The following GNAO1 variants were observed in gnomAD, a reference collection of about 807,000 sequenced individuals.
GNAO1 encodes G protein subunit alpha o1, also known as guanine nucleotide-binding protein G(o) subunit alpha.
For missense variants in GNAO1, 166 were observed against 478.7 expected (o/e 0.35, Z 6.10); for synonymous variants, 164 against 180.7 (o/e 0.91, Z 0.74).
At chr16:56,242,983 A>C (rs1305127948) in intron 2 of GNAO1, among the ~76,000 whole-genome samples, 2 of 152,028 alleles carry the variant, frequency 1.3e-5, no homozygotes, top group Admixed American at 6.5e-5. Flanking sequence ...CTCCTGTTAG[A>C]TCAGAAGGAG....
intron 4 of GNAO1, among the ~76,000 whole-genome samples, chr16:56,329,624 GC>G (rs2037669570): frequency 6.6e-6 from 1 of 152,222 alleles, no homozygotes; most frequent in Non-Finnish European, 1.5e-5. Flanking sequence ...TACTGGGATT[GC>G]CCCCTTGGCT....
intron 2 of GNAO1, among the ~76,000 whole-genome samples, chr16:56,206,838 C>T (rs1369562607): frequency 3.3e-5 from 5 of 152,192 alleles, no homozygotes; most frequent in African/African-American, 7.2e-5. Flanking sequence ...CCAAGCCATA[C>T]GCCCCTTCAA....
chr16:56,337,100 G>C (rs542653987), intron 6 of GNAO1, among the ~76,000 whole-genome samples: 15 of 152,264 alleles, frequency 9.9e-5, no homozygotes, highest in Non-Finnish European at 1.5e-4. Flanking sequence ...TGATCACACA[G>C]AGCCGTGCAG....
chr16:56,348,257 A>G, intron 6 of GNAO1: 1 of 919,604 alleles, frequency 1.1e-6, no homozygotes, highest in Non-Finnish European at 1.3e-6. Context: ...CACTTGCACG[A>G]TGTGTGTCCT....
chr16:56,205,196 A>G (rs1208534099), intron 2 of GNAO1, among the ~76,000 whole-genome samples: 2 of 152,184 alleles, frequency 1.3e-5, no homozygotes, highest in South Asian at 2.1e-4. Context: ...TGTCAGAGTT[A>G]TGAGACCTGG....
intron 2 of GNAO1, among the ~76,000 whole-genome samples, chr16:56,267,998 T>C (rs1443236904): frequency 3.3e-5 from 5 of 151,016 alleles, no homozygotes; most frequent in African/African-American, 9.7e-5. Flanking sequence ...TTTTCTCACC[T>C]GGTGTCACCC....
intron 6 of GNAO1, chr16:56,340,697 C>T (rs2037793652): frequency 1.3e-6 from 1 of 745,092 alleles, no homozygotes; most frequent in Non-Finnish European, 2.3e-6. Flanking sequence ...CGTCTCCGTC[C>T]TGGTGGTCTC....
At chr16:56,229,583 A>G (rs375841428) in intron 2 of GNAO1, among the ~76,000 whole-genome samples, 1 of 151,924 alleles carries the variant, frequency 6.6e-6, no homozygotes, top group Non-Finnish European at 1.5e-5. Context: ...TCTGCTGACA[A>G]CCAGGCACTG....
intron 3 of GNAO1, among the ~76,000 whole-genome samples, chr16:56,324,414 A>G (rs2037609601): frequency 6.6e-6 from 1 of 152,192 alleles, no homozygotes; most frequent in African/African-American, 2.4e-5. Flanking sequence ...TACAGAAACC[A>G]TGAAGGTAGG....
At chr16:56,307,472 T>C (rs1458248830) in intron 3 of GNAO1, 3 of 152,256 alleles carry the variant, frequency 2.0e-5, no homozygotes, top group Non-Finnish European at 4.4e-5. Context: ...TTACTCATTC[T>C]ACTGACATAG....
chr16:56,223,150 G>A (rs1163129342), intron 2 of GNAO1, among the ~76,000 whole-genome samples: 2 of 152,214 alleles, frequency 1.3e-5, no homozygotes, highest in African/African-American at 4.8e-5. Flanking sequence ...TCAGCAGGCT[G>A]TGTTCCCTTC....
At chr16:56,297,888 A>T (rs2037303638) in intron 3 of GNAO1, among the ~76,000 whole-genome samples, 1 of 152,168 alleles carries the variant, frequency 6.6e-6, no homozygotes, top group Non-Finnish European at 1.5e-5. Flanking sequence ...ATAGTTATCG[A>T]GTGGGAGTGC....
intron 2 of GNAO1, among the ~76,000 whole-genome samples, chr16:56,202,475 A>G (rs371847687): frequency 1.7e-4 from 26 of 152,358 alleles, no homozygotes; most frequent in African/African-American, 6.3e-4. Context: ...TCATTTCTAC[A>G]TGGGAGTAGC....
chr16:56,286,654 GTC>G (rs142417530), intron 3 of GNAO1, among the ~76,000 whole-genome samples: 3 of 150,708 alleles, frequency 2.0e-5, no homozygotes, highest in African/African-American at 4.9e-5. Context: ...AGTCCTGCAA[GTC>G]TCTCTCTCTC....
intron 2 of GNAO1, among the ~76,000 whole-genome samples, chr16:56,242,204 G>T (rs2036699725): frequency 1.2e-5 from 1 of 80,012 alleles, no homozygotes; most frequent in Non-Finnish European, 2.4e-5. Flanking sequence ...GGGAGGAGAA[G>T]AAGGAAGATG....
intron 2 of GNAO1, chr16:56,255,506 C>CT (rs1383791952): frequency 2.6e-5 from 4 of 152,156 alleles, no homozygotes; most frequent in African/African-American, 9.7e-5. Flanking sequence ...CAGTCTTACT[C>CT]TTTTTTCCTT....
intron 2 of GNAO1, among the ~76,000 whole-genome samples, chr16:56,258,084 C>T (rs1185113901): frequency 1.3e-5 from 2 of 152,192 alleles, no homozygotes; most frequent in Non-Finnish European, 2.9e-5. Flanking sequence ...AATACATCTC[C>T]CTGGCCCAAA....
intron 3 of GNAO1, among the ~76,000 whole-genome samples, chr16:56,305,114 T>C (rs1476564814): frequency 6.6e-6 from 1 of 152,210 alleles, no homozygotes; most frequent in East Asian, 1.9e-4. Context: ...TCTCCTCTGC[T>C]TCCTGACCCC....
chr16:56,314,554 C>T (rs1364296706), intron 3 of GNAO1, among the ~76,000 whole-genome samples: 1 of 152,202 alleles, frequency 6.6e-6, no homozygotes, highest in Non-Finnish European at 1.5e-5. Flanking sequence ...ATTTTTACTT[C>T]TTCACCAACG....
Sources: allele counts gnomAD v4.1 joint callset (sites outside exome capture counted in the v4.1 genomes callset), GRCh38; gene constraint gnomAD v4.1.1; transcripts MANE v1.5; gene names NCBI Gene and HGNC (gene_info 2026-07-23, HGNC 2026-07-21).